PDE1C: variants seen among roughly 807,000 people sequenced by gnomAD.
The protein encoded by PDE1C is dual specificity calcium/calmodulin-dependent 3',5'-cyclic nucleotide phosphodiesterase 1C.
In PDE1C, 62 loss-of-function variants were observed where a neutral mutation model predicts 93.1. The observed-to-expected ratio is 0.67, with a 90% CI of 0.54 to 0.82. The LOEUF (loss-of-function observed/expected upper bound fraction) is 0.82. PDE1C is among the 40% of genes least tolerant of loss of function. The pLI, the probability that PDE1C is intolerant of heterozygous loss-of-function variation, is 0.00. For synonymous variants in PDE1C, 325 were observed against 310.1 expected (o/e 1.05, Z -0.50); for missense variants, 742 against 884.6 (o/e 0.84, Z 2.04).
At chr7:31,709,956 C>A in the PDE1C span, among the ~76,000 whole-genome samples, 5 of 152,032 alleles carry the variant, frequency 3.3e-5, no homozygotes, top group African/African-American at 1.2e-4. Flanking sequence ...TCCAGATCAG[C>A]CTGGGCAACA....
At chr7:32,284,536 G>T (rs1200967503) in intron 1 of PDE1C, among the ~76,000 whole-genome samples, 1 of 152,180 alleles carries the variant, frequency 6.6e-6, no homozygotes, top group Non-Finnish European at 1.5e-5. Context: ...CTTGACCAAT[G>T]CAAGAGTCTC....
chr7:32,064,687 AATAT>A (rs57440930), intron 1 of PDE1C, among the ~76,000 whole-genome samples: 21 of 152,058 alleles, frequency 1.4e-4, no homozygotes, highest in African/African-American at 3.1e-4. Flanking sequence ...TGTATCATAA[AATAT>A]ATATATATTT....
chr7:32,123,741 C>G (rs1215080679), intron 3 of PDE1C, among the ~76,000 whole-genome samples: 2 of 152,154 alleles, frequency 1.3e-5, no homozygotes, highest in Non-Finnish European at 1.5e-5. Flanking sequence ...AAACCCACAG[C>G]CAATATCATA....
chr7:31,881,291 C>T (rs1797220244), intron 2 of PDE1C, among the ~76,000 whole-genome samples: 1 of 151,926 alleles, frequency 6.6e-6, no homozygotes, highest in South Asian at 2.1e-4. Context: ...CCAGGCATGT[C>T]CCAAGACAGA....
intron 2 of PDE1C, among the ~76,000 whole-genome samples, chr7:31,972,890 T>C (rs990735159): frequency 1.3e-5 from 2 of 152,044 alleles, no homozygotes; most frequent in Non-Finnish European, 2.9e-5. Context: ...ATCTTCTGCC[T>C]CCAAATTTGG....
the PDE1C span, among the ~76,000 whole-genome samples, chr7:31,622,120 C>A: frequency 3.7e-5 from 5 of 136,870 alleles, no homozygotes; most frequent in African/African-American, 8.2e-5. Context: ...CCTGAGTGAC[C>A]TACAAAGAGA....
At chr7:32,080,841 T>C (rs1166261595) in intron 3 of PDE1C, among the ~76,000 whole-genome samples, 2 of 152,156 alleles carry the variant, frequency 1.3e-5, no homozygotes, top group Non-Finnish European at 2.9e-5. Context: ...TTTAACAGAT[T>C]CTTGCTAATA....
At chr7:32,369,224 A>T (rs1376149606) in intron 1 of PDE1C, among the ~76,000 whole-genome samples, 7 of 152,222 alleles carry the variant, frequency 4.6e-5, no homozygotes, top group Non-Finnish European at 1.0e-4. Context: ...ATGGAAAAAA[A>T]TATTTGCAAA....
chr7:32,424,270 A>T (rs978960976), intron 1 of PDE1C, among the ~76,000 whole-genome samples: 5 of 152,356 alleles, frequency 3.3e-5, no homozygotes, highest in Admixed American at 3.3e-4. Context: ...CAAATCCCAT[A>T]GGCTCAAAGC....
rs62456058 is a variant in PDE1C at position 31,969,587 on chromosome 7, T to A, written c.128+81967A>T. Among the ~76,000 whole-genome samples, 255 of 152,284 alleles carry A rather than the reference T, an allele frequency of 1.7e-3. 1 individual carries two copies. Among genetic ancestry groups the A allele is most frequent in the Middle Eastern group, 6.8e-3 (2 of 294 alleles). Reference sequence around the variant, plus strand: ...ACCATTGTGGAAGTCAGTGTGGCGATTCCTCAGGGATCTGGAACTAGAAAT... The same window carrying A: ...ACCATTGTGGAAGTCAGTGTGGCGAATCCTCAGGGATCTGGAACTAGAAAT... On this transcript the variant is annotated intron_variant, in intron 2 of 17. Coordinates refer to ENST00000396191, the MANE Select transcript of PDE1C (RefSeq NM_001191057.4).
At chr7:32,346,661 C>T (rs947203410) in intron 1 of PDE1C, among the ~76,000 whole-genome samples, 2 of 152,174 alleles carry the variant, frequency 1.3e-5, no homozygotes, top group African/African-American at 4.8e-5. Flanking sequence ...ACAATGTTTT[C>T]CTGCTTTTTG....
chr7:32,292,891 G>A (rs1812422176), intron 1 of PDE1C, among the ~76,000 whole-genome samples: 1 of 152,202 alleles, frequency 6.6e-6, no homozygotes. Flanking sequence ...CACACTGTGT[G>A]GCTCCGGAAA....
At chr7:31,839,959 C>T (rs1379020542) in intron 9 of PDE1C, among the ~76,000 whole-genome samples, 1 of 152,140 alleles carries the variant, frequency 6.6e-6, no homozygotes, top group Non-Finnish European at 1.5e-5. Flanking sequence ...ATTGCTTGAA[C>T]CTAGGAGGTG....
chr7:32,332,492 T>C (rs932170620), intron 1 of PDE1C, among the ~76,000 whole-genome samples: 4 of 151,938 alleles, frequency 2.6e-5, no homozygotes, highest in East Asian at 1.9e-4. Context: ...CTACTAAAGC[T>C]AAATATACAC....
chr7:31,960,844 C>A (rs748213247), intron 2 of PDE1C, among the ~76,000 whole-genome samples: 1 of 152,094 alleles, frequency 6.6e-6, no homozygotes, highest in Admixed American at 6.5e-5. Flanking sequence ...GTGTATCAGT[C>A]AAAATGATGC....
intron 3 of PDE1C, among the ~76,000 whole-genome samples, chr7:32,147,221 A>C (rs1800896521): frequency 6.7e-6 from 1 of 149,674 alleles, no homozygotes; most frequent in Non-Finnish European, 1.5e-5. Flanking sequence ...ATTTAGTGTG[A>C]GCTCATTTGG....
chr7:32,341,173 C>CTATTT (rs796122014), intron 1 of PDE1C, among the ~76,000 whole-genome samples: 1 of 84,954 alleles, frequency 1.2e-5, no homozygotes, highest in African/African-American at 4.3e-5. Context: ...GAAATAAAGT[C>CTATTT]TTTTTTTTTT....
chr7:32,257,112 C>T (rs1424681225), intron 1 of PDE1C, among the ~76,000 whole-genome samples: 1 of 152,108 alleles, frequency 6.6e-6, no homozygotes, highest in Non-Finnish European at 1.5e-5. Context: ...AGATAAGCCT[C>T]TCAACCAAAG....
chr7:31,626,102 T>C, the PDE1C span, among the ~76,000 whole-genome samples: 3 of 152,214 alleles, frequency 2.0e-5, no homozygotes, highest in African/African-American at 4.8e-5. Flanking sequence ...GGTTGTAAAC[T>C]TGGCAAAAAC....
Sources: gnomAD v4.1 joint callset for allele counts (sites outside exome capture counted in the v4.1 genomes callset) on GRCh38, gnomAD v4.1.1 for gene constraint, MANE v1.5 for transcripts, NCBI Gene and HGNC (gene_info 2026-07-23, HGNC 2026-07-21) for gene names.